Variants in HEATR5A observed in about 807,000 individuals in gnomAD.
HEATR5A encodes the protein HEAT repeat containing 5A.
In HEATR5A, 178 loss-of-function variants were observed where a neutral mutation model predicts 218.8. That is an observed-to-expected ratio of 0.81 (90% CI 0.72 to 0.92). The LOEUF (loss-of-function observed/expected upper bound fraction) is 0.92, where lower values mean the gene tolerates loss of function less well. Ranked by LOEUF, HEATR5A falls within the 40% of genes least tolerant of loss-of-function variation. HEATR5A has a pLI of 0.00. For synonymous variants in HEATR5A, 864 were observed against 871.6 expected (o/e 0.99, Z 0.15); for missense variants, 2,420 against 2,418.9 (o/e 1.00, Z -0.01).
In HEATR5A at chr14:31,344,060, T is replaced by C; in HGVS notation, c.3064A>G (p.Ser1022Gly). 6.6e-7 allele frequency: 1 copy of C among 1,505,386 alleles called. No individual in the cohort carries two copies. Among genetic ancestry groups the C allele is most frequent in the Non-Finnish European group, 8.9e-7 (1 of 1,123,342 alleles). 93.3% of individuals were successfully genotyped at this position (1,505,386 alleles called of 1,614,324 possible). The change falls in exon 21 of 36, where the codon AGT becomes GGT. Residue 1022 changes from serine to glycine, a missense_variant. Coordinates refer to ENST00000543095, the MANE Select transcript of HEATR5A (RefSeq NM_015473.4). ...TTLGPELQGN[S>G]TSISTLRTSC... The stretch of plus-strand genomic sequence containing the variant: ...GTCCTTAAGGTAGAAATTGAAGTAC[T>C]GTTACCTAAAATAAAAAGCAGAAAG...
At chr14:31,335,843 C>T (rs1464375354) in intron 22 of HEATR5A, among the ~76,000 whole-genome samples, 10 of 151,968 alleles carry the variant, frequency 6.6e-5, no homozygotes, top group African/African-American at 1.9e-4. Flanking sequence ...TTAGTAGAGA[C>T]GGGGTTTCGC....
Position 31,307,910 on chromosome 14 carries a change from T to C in HEATR5A, c.4801A>G (p.Lys1601Glu). ...ALLDVPWPRS[K>E]IGSDQDLGIE... The stretch of plus-strand genomic sequence containing the variant: ...TAAATCACCTGATCACTGCCAATTT[T>C]TGATCTGGGCCAAGGTACATCTAGA... Residue 1601 changes from lysine (K) to glutamate (E), a missense_variant, in exon 30 of 36, where the codon AAA (lysine) becomes GAA (glutamate). Physicochemically the swap from Lys to Glu is moderately conservative, Grantham distance 56. Transcript: ENST00000543095. 2.5e-6 allele frequency: 4 copies of C among 1,612,276 alleles called. No individual in the cohort carries two copies. Among genetic ancestry groups the C allele is most frequent in the Middle Eastern group, 1.7e-4 (1 of 6,052 alleles).
At chr14:31,400,541 T>G (rs1374409594) in intron 2 of HEATR5A, 29 bp from the exon 3 acceptor site, 1 of 1,381,528 alleles carries the variant, frequency 7.2e-7, no homozygotes, top group Non-Finnish European at 9.8e-7. Context: ...CAAAGACAAT[T>G]CAAAGTCAAT....
intron 27 of HEATR5A, 44 bp downstream of exon 27, chr14:31,315,726 T>G (rs1899892119): frequency 6.8e-7 from 1 of 1,462,598 alleles, no homozygotes. Flanking sequence ...AAGGTGTTTA[T>G]TAACAACTTC....
chr14:31,310,438 G>A (rs1295376016), intron 28 of HEATR5A, among the ~76,000 whole-genome samples: 1 of 152,114 alleles, frequency 6.6e-6, no homozygotes, highest in South Asian at 2.1e-4. Context: ...TCAGGAACTC[G>A]AGACCAGCCT....
chr14:31,382,335 G>A (rs891645173), intron 10 of HEATR5A, among the ~76,000 whole-genome samples: 1 of 152,152 alleles, frequency 6.6e-6, no homozygotes, highest in African/African-American at 2.4e-5. Context: ...TTTTGGAATT[G>A]TTCAAGTTAT....
intron 16 of HEATR5A, among the ~76,000 whole-genome samples, chr14:31,358,306 A>AG (rs1486558752): frequency 6.6e-6 from 1 of 152,178 alleles, no homozygotes; most frequent in Non-Finnish European, 1.5e-5. Flanking sequence ...AAGGTAAGAA[A>AG]GCCTATGAGA....
intron 2 of HEATR5A, among the ~76,000 whole-genome samples, chr14:31,400,744 T>C (rs904965822): frequency 1.3e-5 from 2 of 152,154 alleles, no homozygotes; most frequent in African/African-American, 4.8e-5. Context: ...CGAACCACAT[T>C]ACACTGCAAT....
chr14:31,299,679 C>T (rs965840378), intron 33 of HEATR5A, among the ~76,000 whole-genome samples: 11 of 150,384 alleles, frequency 7.3e-5, no homozygotes, highest in African/African-American at 2.2e-4. Flanking sequence ...GCCAAGATCG[C>T]GCCATTGCAC....
chr14:31,378,800 A>C (rs1180260491), intron 11 of HEATR5A, among the ~76,000 whole-genome samples: 2 of 141,944 alleles, frequency 1.4e-5, no homozygotes, highest in African/African-American at 5.2e-5. Flanking sequence ...AAAAAAACAA[A>C]CAAAAAAAAA....
chr14:31,334,939 C>T (rs1234424763), intron 22 of HEATR5A, among the ~76,000 whole-genome samples: 1 of 102,218 alleles, frequency 9.8e-6, no homozygotes, highest in Non-Finnish European at 2.0e-5. Context: ...GAGCAAGATT[C>T]CATCTCAAAA....
chr14:31,379,451 T>C (rs909383563), intron 11 of HEATR5A, among the ~76,000 whole-genome samples: 4 of 151,962 alleles, frequency 2.6e-5, no homozygotes, highest in Non-Finnish European at 5.9e-5. Flanking sequence ...GGTTTCACCT[T>C]GTTGGCCAGG....
At position 31,389,003 on chromosome 14, in the gene HEATR5A, C is replaced by G. The variant is rs7157977; in HGVS notation, c.775G>C (p.Ala259Pro). 1.2e-6 allele frequency: 2 copies of G among 1,604,908 alleles called. No homozygotes were observed. Among genetic ancestry groups the G allele is most frequent in the Non-Finnish European group, 1.7e-6 (2 of 1,175,012 alleles). Residue 259 changes from alanine to proline, a missense_variant and splice_region_variant, in exon 7 of 36, where the codon GCC (alanine) becomes CCC (proline). By Grantham distance (27) the Ala-to-Pro change is conservative (BLOSUM62 -1). Transcript: ENST00000543095. ...ACTCTGCGAATGCTTTGACGTGAGG[C>G]TGCTATGACAAAGAACAAAACTGTG... is the stretch of plus-strand genomic sequence containing the variant. ...AVISKHPGTA[A>P]SRQSIRRVSL...
intron 11 of HEATR5A, 101 bp downstream of exon 11, chr14:31,380,366 G>A: frequency 2.9e-6 from 2 of 684,658 alleles, no homozygotes; most frequent in South Asian, 2.2e-5. Flanking sequence ...TTAAATTCTG[G>A]TATGTATTAA....
intron 1 of HEATR5A, among the ~76,000 whole-genome samples, chr14:31,406,188 T>C (rs183046241): frequency 1.3e-5 from 2 of 152,316 alleles, no homozygotes; most frequent in Non-Finnish European, 2.9e-5. Flanking sequence ...ACCCTACATA[T>C]ACCTGAGAAA....
At chr14:31,320,640 C>T (rs1195353642) in intron 25 of HEATR5A, 1 of 658,684 alleles carries the variant, frequency 1.5e-6, no homozygotes. Flanking sequence ...TGCATTTTTT[C>T]AGTCTCCCAG....
At chr14:31,406,696 G>A (rs1050522464) in intron 1 of HEATR5A, among the ~76,000 whole-genome samples, 2 of 152,082 alleles carry the variant, frequency 1.3e-5, no homozygotes, top group East Asian at 1.9e-4. Flanking sequence ...AGTGGCTCAC[G>A]CTCATAATCC....
chr14:31,345,356 G>T, intron 19 of HEATR5A, 80 bp from the exon 20 acceptor site: 2 of 1,109,224 alleles, frequency 1.8e-6, no homozygotes, highest in Non-Finnish European at 2.6e-6. Context: ...TTCTTTTGTT[G>T]AAGCAAGTGA....
At chr14:31,347,660 T>G in intron 19 of HEATR5A, 88 bp downstream of exon 19, 1 of 990,268 alleles carries the variant, frequency 1.0e-6, no homozygotes, top group Non-Finnish European at 1.3e-6. Context: ...GGAAACTATA[T>G]TCATAAATTA....
Sources: allele counts gnomAD v4.1 joint callset (sites outside exome capture counted in the v4.1 genomes callset), GRCh38; gene constraint gnomAD v4.1.1; transcripts MANE v1.5; gene names NCBI Gene and HGNC (gene_info 2026-07-23, HGNC 2026-07-21).